Variants in SOS1 observed in about 807,000 individuals in gnomAD.
SOS1 encodes son of sevenless homolog 1.
In SOS1, 25 loss-of-function variants were observed where a neutral mutation model predicts 157.6. The ratio of observed to expected loss-of-function variants is 0.16; its 90% confidence interval spans 0.12 to 0.22. The LOEUF is 0.22. SOS1 is among the 10% of genes least tolerant of loss of function. The pLI is 1.00. For missense variants in SOS1, 1,237 were observed against 1,599.1 expected (o/e 0.77, Z 3.86); for synonymous variants, 528 against 534.0 (o/e 0.99, Z 0.16).
At chr2:39,100,533 T>C (rs1486852015) in intron 1 of SOS1, among the ~76,000 whole-genome samples, 4 of 152,152 alleles carry the variant, frequency 2.6e-5, no homozygotes, top group Non-Finnish European at 4.4e-5. Context: ...CCAGAGGACA[T>C]TACACTCAGT....
intron 17 of SOS1, among the ~76,000 whole-genome samples, chr2:39,002,746 A>G (rs971572535): frequency 2.0e-5 from 3 of 152,144 alleles, no homozygotes; most frequent in African/African-American, 7.2e-5. Flanking sequence ...GAGAAAATCA[A>G]TGAACTCAAT....
intron 6 of SOS1, 151 bp from the exon 7 acceptor site, chr2:39,035,651 G>C (rs1480643514): frequency 1.1e-5 from 7 of 651,602 alleles, no homozygotes; most frequent in South Asian, 1.8e-5. Context: ...AATTTTAATA[G>C]AAGAGATCCC....
rs555300316 is a variant in SOS1, at chr2:39,054,486, T to C, written c.720+128A>G. On this transcript the variant is annotated intron_variant, in intron 5 of 22. Transcript: ENST00000402219. ...AAACTGTTGTAAAACTTTGTGATCA[T>C]GAATTAAGTCCCACAACTTAAAAAA... 1.4e-4 allele frequency: 89 copies of C among 638,536 alleles called. No homozygotes were observed. In the South Asian group the frequency reaches 1.5e-3, roughly 11 times the overall value. The allele number at this position is 638,536 out of a possible 1,614,324, so 39.6% of individuals were successfully genotyped here. A position where few individuals can be genotyped will look rare whatever the true frequency, so the allele number is the denominator to read the frequency against.
intron 1 of SOS1, among the ~76,000 whole-genome samples, chr2:39,098,771 C>T (rs1345419538): frequency 6.6e-6 from 1 of 152,116 alleles, no homozygotes; most frequent in Non-Finnish European, 1.5e-5. Flanking sequence ...CGCCTGTGGT[C>T]CCAGCTACTC....
chr2:39,070,829 G>A (rs1382583914), intron 1 of SOS1, among the ~76,000 whole-genome samples: 1 of 151,934 alleles, frequency 6.6e-6, no homozygotes, highest in Non-Finnish European at 1.5e-5. Context: ...GAGTTAAAAG[G>A]GACTTTAGAA....
intron 1 of SOS1, among the ~76,000 whole-genome samples, chr2:39,109,370 A>G (rs1490891976): frequency 6.6e-6 from 1 of 152,064 alleles, no homozygotes; most frequent in Admixed American, 6.6e-5. Flanking sequence ...GCATCTTTTA[A>G]AATTCTACCT....
intron 1 of SOS1, among the ~76,000 whole-genome samples, chr2:39,091,763 C>G (rs1468552584): frequency 6.6e-6 from 1 of 152,118 alleles, no homozygotes; most frequent in Admixed American, 6.5e-5. Context: ...TTCTATAATA[C>G]GGCCAGGACT....
At chr2:39,025,519 T>TC (rs1221536991) in intron 8 of SOS1, among the ~76,000 whole-genome samples, 1 of 150,378 alleles carries the variant, frequency 6.6e-6, no homozygotes, top group East Asian at 1.9e-4. Context: ...CTGACTGATT[T>TC]TTTTTTTTTT....
chr2:38,990,958 T>C (rs1473254272), intron 20 of SOS1, among the ~76,000 whole-genome samples: 1 of 152,172 alleles, frequency 6.6e-6, no homozygotes, highest in African/African-American at 2.4e-5. Context: ...ATCTAATTAA[T>C]TTAAAAAACA....
At chr2:39,047,793 G>A (rs932044522) in intron 6 of SOS1, among the ~76,000 whole-genome samples, 21 of 151,030 alleles carry the variant, frequency 1.4e-4, no homozygotes, top group African/African-American at 4.9e-4. Flanking sequence ...TCAGATTCTC[G>A]AGTAACCGGG....
intron 1 of SOS1, among the ~76,000 whole-genome samples, chr2:39,074,761 G>A (rs1671908066): frequency 6.6e-6 from 1 of 151,986 alleles, no homozygotes; most frequent in South Asian, 2.1e-4. Flanking sequence ...CAGCTACTTG[G>A]GAGGCTAAGG....
intron 6 of SOS1, among the ~76,000 whole-genome samples, chr2:39,044,857 C>CGT (rs1426841519): frequency 6.1e-4 from 19 of 31,080 alleles, no homozygotes; most frequent in African/African-American, 1.7e-3. Context: ...CACATGCGCG[C>CGT]GCGCGCGCAC....
intron 1 of SOS1, among the ~76,000 whole-genome samples, chr2:39,075,606 C>CTAGGAGTCCGAGAT (rs1267168726): frequency 9.3e-5 from 2 of 21,590 alleles, no homozygotes; most frequent in African/African-American, 1.3e-4. Context: ...GAGTCCGAGA[C>CTAGGAGTCCGAGAT]CAGCCTGGAG....
At chr2:39,082,150 T>G (rs934806762) in intron 1 of SOS1, among the ~76,000 whole-genome samples, 1 of 152,190 alleles carries the variant, frequency 6.6e-6, no homozygotes, top group Non-Finnish European at 1.5e-5. Flanking sequence ...TCTTATTCAT[T>G]CTAATTACTT....
intron 2 of SOS1, among the ~76,000 whole-genome samples, chr2:39,059,626 A>G (rs1249342746): frequency 7.2e-5 from 11 of 152,202 alleles, no homozygotes; most frequent in Non-Finnish European, 1.5e-5. Flanking sequence ...AAACTACTAG[A>G]TGAAATTAAA....
chr2:39,030,259 AAG>A (rs1553357211), intron 8 of SOS1, among the ~76,000 whole-genome samples: 14 of 150,670 alleles, frequency 9.3e-5, no homozygotes, highest in African/African-American at 3.2e-4. Flanking sequence ...AAAAAAAAAA[AAG>A]CGAAAGAGGG....
At chr2:39,046,694 G>C (rs1670797554) in intron 6 of SOS1, among the ~76,000 whole-genome samples, 1 of 151,794 alleles carries the variant, frequency 6.6e-6, no homozygotes, top group East Asian at 1.9e-4. Context: ...GTAGAGATGG[G>C]GTTTCACCAT....
chr2:39,067,087 C>T lies in SOS1; in HGVS notation c.213+541G>A, dbSNP rs563894497. ...TTCCACTCTTTCATTCAGGGCTCAC[C>T]GTAGCTTCGATCTCCTGGGCTCAAG... On this transcript the variant is annotated intron_variant, in intron 2 of 22. Transcript: ENST00000402219. 4.6e-5 allele frequency among the ~76,000 whole-genome samples: 7 copies of T among 152,160 alleles called. No homozygotes were observed. The East Asian group carries it at 7.7e-4, about 17-fold the overall frequency.
chr2:39,087,182 G>C (rs1268442185), intron 1 of SOS1, among the ~76,000 whole-genome samples: 1 of 152,136 alleles, frequency 6.6e-6, no homozygotes, highest in East Asian at 1.9e-4. Flanking sequence ...TGCAAGGGAA[G>C]AAAAACTGCC....
Sources: gnomAD v4.1 joint callset for allele counts (sites outside exome capture counted in the v4.1 genomes callset) on GRCh38, gnomAD v4.1.1 for gene constraint, MANE v1.5 for transcripts, NCBI Gene and HGNC (gene_info 2026-07-23, HGNC 2026-07-21) for gene names.